Variants in ANKRD55 observed in about 807,000 individuals in gnomAD.
ANKRD55 encodes the protein ankyrin repeat domain-containing protein 55.
In ANKRD55, 41 loss-of-function variants were observed where a neutral mutation model predicts 60.6. The observed-to-expected ratio is 0.68, with a 90% CI of 0.53 to 0.88. The LOEUF is 0.88. Among genes scored for constraint, ANKRD55 ranks in the 40% least tolerant of loss-of-function variants. The pLI, the probability that ANKRD55 is intolerant of heterozygous loss-of-function variation, is 0.00. For synonymous variants in ANKRD55, 264 were observed against 290.3 expected (o/e 0.91, Z 0.92); for missense variants, 732 against 767.6 (o/e 0.95, Z 0.55).
intron 2 of ANKRD55, among the ~76,000 whole-genome samples, chr5:56,188,598 G>T (rs1759026080): frequency 6.6e-6 from 1 of 151,992 alleles, no homozygotes; most frequent in Non-Finnish European, 1.5e-5. Context: ...TGTATGTCTT[G>T]GTGCCTTTGT....
intron 5 of ANKRD55, among the ~76,000 whole-genome samples, chr5:56,163,284 A>T (rs1318881984): frequency 6.6e-6 from 1 of 152,132 alleles, no homozygotes; most frequent in Non-Finnish European, 1.5e-5. Flanking sequence ...TGAACCAGAA[A>T]CCAGGTGTCT....
At chr5:56,176,040 C>T (rs1758729345) in intron 4 of ANKRD55, 112 bp downstream of exon 4, 2 of 1,352,352 alleles carry the variant, frequency 1.5e-6, no homozygotes, top group Non-Finnish European at 2.0e-6. Flanking sequence ...CAAGTTCCAG[C>T]TCCTTTAGCC....
chr5:56,194,425 C>T (rs932954639), intron 2 of ANKRD55, among the ~76,000 whole-genome samples: 1 of 151,976 alleles, frequency 6.6e-6, no homozygotes. Context: ...TGATCCAACC[C>T]CCCCAACACA....
chr5:56,105,886 T>A (rs1210125949), intron 10 of ANKRD55, among the ~76,000 whole-genome samples: 1 of 152,230 alleles, frequency 6.6e-6, no homozygotes, highest in African/African-American at 2.4e-5. Flanking sequence ...CACACTTTTT[T>A]ACTTTTCTTG....
At chr5:56,122,175 C>T (rs1757083454) in intron 8 of ANKRD55, among the ~76,000 whole-genome samples, 1 of 151,846 alleles carries the variant, frequency 6.6e-6, no homozygotes, top group African/African-American at 2.4e-5. Context: ...CTGCTCTGTG[C>T]CTATGCATTA....
chr5:56,167,754 G>A (rs1227791995), intron 5 of ANKRD55, among the ~76,000 whole-genome samples: 6 of 152,120 alleles, frequency 3.9e-5, no homozygotes, highest in Non-Finnish European at 5.9e-5. Context: ...TTCAAGAGAG[G>A]GGAAGCCACA....
At chr5:56,192,982 GA>G in intron 2 of ANKRD55, 1 of 835,266 alleles carries the variant, frequency 1.2e-6, no homozygotes. Flanking sequence ...AGCTATACTG[GA>G]AAACAATTAA....
intron 2 of ANKRD55, among the ~76,000 whole-genome samples, chr5:56,190,864 C>T (rs1330239066): frequency 6.6e-6 from 1 of 152,222 alleles, no homozygotes; most frequent in Non-Finnish European, 1.5e-5. Flanking sequence ...GAGCAGAGCC[C>T]TCGTGCTCCA....
intron 2 of ANKRD55, among the ~76,000 whole-genome samples, chr5:56,204,228 C>T (rs1021262996): frequency 6.6e-6 from 1 of 152,024 alleles, no homozygotes; most frequent in African/African-American, 2.4e-5. Flanking sequence ...GATATTAGCC[C>T]TTTGTCAGAT....
At chr5:56,132,454 G>GGT (rs1757447488) in intron 7 of ANKRD55, among the ~76,000 whole-genome samples, 1 of 144,328 alleles carries the variant, frequency 6.9e-6, no homozygotes. Context: ...AGCTGGGTGT[G>GGT]GTGGCGGGCG....
intron 3 of ANKRD55, among the ~76,000 whole-genome samples, chr5:56,178,597 A>G (rs1758788130): frequency 6.6e-6 from 1 of 152,142 alleles, no homozygotes; most frequent in Non-Finnish European, 1.5e-5. Context: ...GCAATAGGAA[A>G]AGTAACAAAA....
chr5:56,102,449 T>C lies in ANKRD55; in HGVS notation c.1723+45A>G, dbSNP rs187253057. 482 of 1,339,846 alleles carry C rather than the reference T, an allele frequency of 3.6e-4. 5 individuals carry two copies. The East Asian group carries it at 6.7e-3, about 19-fold the overall frequency. 83.0% of individuals were successfully genotyped at this position (1,339,846 alleles called of 1,614,324 possible). A position where few individuals can be genotyped will look rare whatever the true frequency, so the allele number is the denominator to read the frequency against. ...AATAACATTTAGTTGTGTCTAGATA[T>C]GTTAACACTTGCAAAGGAAGCTGCG... On this transcript the variant is annotated intron_variant, in intron 11 of 11. Transcript: ENST00000341048.
At chr5:56,157,926 C>T (rs150776018) in intron 6 of ANKRD55, among the ~76,000 whole-genome samples, 104 of 152,268 alleles carry the variant, frequency 6.8e-4, no homozygotes, top group Non-Finnish European at 1.1e-3. Context: ...TTCCACCTGA[C>T]GAGAAACGTT....
At chr5:56,207,545 C>T (rs1759543002) in intron 2 of ANKRD55, among the ~76,000 whole-genome samples, 1 of 152,192 alleles carries the variant, frequency 6.6e-6, no homozygotes, top group Non-Finnish European at 1.5e-5. Context: ...ACTACACACC[C>T]AGACTACATG....
intron 5 of ANKRD55, among the ~76,000 whole-genome samples, chr5:56,162,672 A>AT (rs148386596): frequency 0.65 from 95,966 of 146,872 alleles, 31,276 homozygotes; most frequent in Middle Eastern, 0.73. Context: ...ATTTTTGGTC[A>AT]ATTTTTTTTT....
At position 56,126,891 on chromosome 5, in the gene ANKRD55, T is replaced by C. The variant is rs557538258; in HGVS notation, c.797+31A>G. ...GATTCAGTTAGGGGGAAATGACTAG[T>C]TTCCCAGCACTTTCTGGTTACCATG... On this transcript the variant is annotated intron_variant, in intron 8 of 11. Transcript: ENST00000341048. The C allele has an allele frequency of 1.7e-5, 27 of 1,573,670 alleles. 1 individual carries two copies. Among genetic ancestry groups the C allele is most frequent in the South Asian group, 1.2e-4 (10 of 84,942 alleles).
At chr5:56,195,678 A>G (rs1257520419) in intron 2 of ANKRD55, among the ~76,000 whole-genome samples, 1 of 152,138 alleles carries the variant, frequency 6.6e-6, no homozygotes, top group East Asian at 1.9e-4. Flanking sequence ...TCCTGACCTC[A>G]GGTGATCTAC....
At position 56,185,542 on chromosome 5, in the gene ANKRD55, C is replaced by A. The variant is rs1195021748; in HGVS notation, c.59-1908G>T. On this transcript the variant is annotated intron_variant, in intron 2 of 11. Transcript: ENST00000341048. ...AATTAGCTGGGCCTGGTGGTGCATG[C>A]CTGTAATTCCAGCTACTCGGGAGGC... 2.0e-5 allele frequency among the ~76,000 whole-genome samples: 3 copies of A among 151,730 alleles called. No individual in the cohort carries two copies. In the East Asian group the frequency reaches 5.8e-4, roughly 30 times the overall value.
chr5:56,232,747 C>CACAG, intron 2 of ANKRD55, 109 bp downstream of exon 2: 1 of 585,050 alleles, frequency 1.7e-6, no homozygotes, highest in South Asian at 2.4e-5. Flanking sequence ...CGCACATGAA[C>CACAG]ACACACACAC....
Sources: allele counts gnomAD v4.1 joint callset (sites outside exome capture counted in the v4.1 genomes callset), GRCh38; gene constraint gnomAD v4.1.1; transcripts MANE v1.5; gene names NCBI Gene and HGNC (gene_info 2026-07-23, HGNC 2026-07-21).